Variants in NCOA6 observed in about 807,000 individuals in gnomAD.
NCOA6 encodes the protein NRC RAP250.
In NCOA6, 49 loss-of-function variants were observed where a neutral mutation model predicts 171.4. The ratio of observed to expected loss-of-function variants is 0.29; its 90% CI spans 0.23 to 0.36. The LOEUF (loss-of-function observed/expected upper bound fraction) is 0.36. NCOA6 is among the 10% of genes least tolerant of loss of function. The pLI is 1.00. For missense variants in NCOA6, 2,248 were observed against 2,554.5 expected, an observed-to-expected ratio of 0.88 and a Z score of 2.59; for synonymous variants, 910 against 927.5, an observed-to-expected ratio of 0.98 and a Z score of 0.34.
chr20:34,745,351 T>C (rs1341564747), intron 10 of NCOA6, among the ~76,000 whole-genome samples: 1 of 152,178 alleles, frequency 6.6e-6, no homozygotes, highest in Non-Finnish European at 1.5e-5. Flanking sequence ...AATAAATGTA[T>C]ACAAAGACCC....
Position 34,789,231 on chromosome 20 carries a change from T to C in NCOA6, c.-50+3219A>G, listed in dbSNP as rs531187047. Reference sequence around the variant, plus strand: ...TAAATAGCAGTGATCAAATGCAATTTCTTCAAGTTTCAATCTATGGAAGTC... The same window carrying C: ...TAAATAGCAGTGATCAAATGCAATTCCTTCAAGTTTCAATCTATGGAAGTC... On this transcript the variant is annotated intron_variant, in intron 2 of 14. Coordinates refer to ENST00000359003, the MANE Select transcript of NCOA6 (RefSeq NM_014071.5). Among the ~76,000 whole-genome samples, 7 of 152,334 alleles carry C rather than the reference T, an allele frequency of 4.6e-5. No individual in the cohort carries two copies. In the East Asian group the frequency reaches 1.3e-3, roughly 29 times the overall value.
rs933625837 is a variant in NCOA6, at chr20:34,825,169, T to C, written c.-164+303A>G. 2.0e-5 allele frequency among the ~76,000 whole-genome samples: 3 copies of C among 151,748 alleles called. No homozygotes were observed. In the South Asian group the frequency reaches 6.3e-4, roughly 32 times the overall value. On this transcript the variant is annotated intron_variant, in intron 1 of 14. Coordinates refer to ENST00000359003, the MANE Select transcript of NCOA6 (RefSeq NM_014071.5). ...ACCCCGTGCAGACCCCGGCCAGCCC[T>C]GCACTCCCTCAGTGCACCGGCCCCC...
intron 14 of NCOA6, among the ~76,000 whole-genome samples, chr20:34,719,065 G>C (rs988233322): frequency 3.9e-5 from 6 of 152,140 alleles, no homozygotes; most frequent in African/African-American, 1.4e-4. Flanking sequence ...TAAAGAACTG[G>C]GTCAATAATA....
intron 1 of NCOA6, among the ~76,000 whole-genome samples, chr20:34,799,532 C>G (rs2078186425): frequency 6.6e-6 from 1 of 152,122 alleles, no homozygotes; most frequent in African/African-American, 2.4e-5. Context: ...TACTTCAAGA[C>G]ATTTAATAAC....
At position 34,740,888 on chromosome 20, in the gene NCOA6, T is replaced by C. The variant is rs1447637672; in HGVS notation, c.5368A>G (p.Thr1790Ala). Reference protein sequence around the residue: ...DQNTLPSSQSTTMVSPLLTNS... With the variant: ...DQNTLPSSQSATMVSPLLTNS... ...GTCAAAAGGGGAGAAACCATTGTGG[T>C]TGACTGTGAAGAGGGAAGAGTGTTC... is the stretch of plus-strand genomic sequence containing the variant. The change falls in exon 11 of 15, where the codon ACC (threonine) becomes GCC (alanine). Residue 1790 changes from threonine (T) to alanine (A), a missense_variant. By Grantham distance (58) the Thr-to-Ala change is moderately conservative. Coordinates refer to ENST00000359003, the MANE Select transcript of NCOA6 (RefSeq NM_014071.5). 6.2e-7 allele frequency: 1 copy of C among 1,614,040 alleles called. No homozygotes were observed. The highest frequency in any genetic ancestry group is 1.3e-5 in the African/African-American group (1 of 74,918).
At chr20:34,761,251 A>C (rs1261608719) in intron 5 of NCOA6, among the ~76,000 whole-genome samples, 1 of 152,160 alleles carries the variant, frequency 6.6e-6, no homozygotes, top group Non-Finnish European at 1.5e-5. Flanking sequence ...TCAGACACTT[A>C]GCTTGTTAAT....
chr20:34,791,510 G>T (rs533657318), intron 2 of NCOA6, among the ~76,000 whole-genome samples: 1 of 152,096 alleles, frequency 6.6e-6, no homozygotes, highest in South Asian at 2.1e-4. Context: ...AGGACTGGTC[G>T]TACCTCAATG....
At chr20:34,814,007 T>G (rs1046394478) in intron 1 of NCOA6, among the ~76,000 whole-genome samples, 1 of 152,084 alleles carries the variant, frequency 6.6e-6, no homozygotes, top group Non-Finnish European at 1.5e-5. Context: ...AAAAGATTTA[T>G]AAAAAGATGT....
rs1454055868 is a variant in NCOA6, at chr20:34,741,216, T to C, written c.5040A>G (p.Ala1680=). 6.2e-7 allele frequency: 1 copy of C among 1,614,258 alleles called. No homozygotes were observed. The highest frequency in any genetic ancestry group is 1.1e-5 in the South Asian group (1 of 91,084). The change falls in exon 11 of 15, where the codon GCA becomes GCG. Residue 1680 remains alanine, a synonymous_variant. Coordinates refer to ENST00000359003, the MANE Select transcript of NCOA6 (RefSeq NM_014071.5). The part of the protein sequence containing the change: ...MKGSQPSTIP[A]APLTTNSGLM... The stretch of plus-strand genomic sequence containing the variant: ...GGCCAGAGTTGGTTGTCAGTGGGGC[T>C]GCAGGAATTGTGCTTGGCTGTGATC...
In NCOA6 at chr20:34,766,971, T is replaced by C. The variant is rs530481527; in HGVS notation, c.514+1493A>G. On this transcript the variant is annotated intron_variant, in intron 5 of 14. Transcript: ENST00000359003. ...AAATGCTCAGACTTCTGTGGGGAAC[T>C]ACATCTATGTACACAATACCAGGCT... 2.6e-5 allele frequency among the ~76,000 whole-genome samples: 4 copies of C among 152,194 alleles called. No homozygotes were observed. The East Asian group carries it at 7.7e-4, about 29-fold the overall frequency.
At chr20:34,736,504 G>A (rs554083482) in intron 12 of NCOA6, among the ~76,000 whole-genome samples, 186 bp downstream of exon 12, 14 of 152,204 alleles carry the variant, frequency 9.2e-5, no homozygotes, top group African/African-American at 2.9e-4. Context: ...CAAGCTGGTC[G>A]GGGGGAAAAT....
chr20:34,774,866 T>C (rs1267197291), intron 4 of NCOA6, among the ~76,000 whole-genome samples: 1 of 152,202 alleles, frequency 6.6e-6, no homozygotes, highest in Non-Finnish European at 1.5e-5. Flanking sequence ...TTATAGTCTA[T>C]GGGGATAAAA....
intron 4 of NCOA6, among the ~76,000 whole-genome samples, chr20:34,772,576 C>A (rs1031367297): frequency 6.6e-6 from 1 of 152,114 alleles, no homozygotes; most frequent in African/African-American, 2.4e-5. Flanking sequence ...GACTTTGTAA[C>A]CAGAGCTCTA....
chr20:34,731,262 T>G (rs777898303), intron 13 of NCOA6, among the ~76,000 whole-genome samples: 1 of 152,094 alleles, frequency 6.6e-6, no homozygotes, highest in Non-Finnish European at 1.5e-5. Flanking sequence ...TCAAATGATC[T>G]GCCTGCCTCG....
intron 12 of NCOA6, among the ~76,000 whole-genome samples, chr20:34,735,909 T>G (rs974496897): frequency 1.3e-5 from 2 of 152,146 alleles, no homozygotes; most frequent in African/African-American, 4.8e-5. Flanking sequence ...GTAGTTTCAA[T>G]GAGATTCTTA....
intron 2 of NCOA6, among the ~76,000 whole-genome samples, chr20:34,784,202 A>G (rs2077597518): frequency 6.6e-6 from 1 of 152,078 alleles, no homozygotes; most frequent in African/African-American, 2.4e-5. Flanking sequence ...AATGAAAAAA[A>G]GTAACTCAAA....
At chr20:34,720,677 T>C (rs141061954) in intron 14 of NCOA6, among the ~76,000 whole-genome samples, 56 of 152,344 alleles carry the variant, frequency 3.7e-4, no homozygotes, top group Non-Finnish European at 6.3e-4. Context: ...AGAAGCCCTC[T>C]TTCCCCCTCA....
chr20:34,740,714 C>T lies in NCOA6; in HGVS notation c.5542G>A (p.Ala1848Thr), dbSNP rs2076112415. ...SLEKGEEQYG[A>T]DGETEGQGLD... ...CCTTGGCCTTCAGTCTCTCCATCTG[C>T]ACCATATTGTTCTTCCCCTTTCTCA... The change falls in exon 11 of 15, where the codon GCA becomes ACA. Residue 1848 changes from alanine to threonine, a missense_variant. Physicochemically the swap from Ala to Thr is moderately conservative, Grantham distance 58 (BLOSUM62 0). Coordinates refer to ENST00000359003, the MANE Select transcript of NCOA6 (RefSeq NM_014071.5). 1 of 1,614,242 alleles carries T rather than the reference C, an allele frequency of 6.2e-7. No individual in the cohort carries two copies. Among genetic ancestry groups the T allele is most frequent in the African/African-American group, 1.3e-5 (1 of 75,060 alleles).
rs1282133204 is a variant in NCOA6 at position 34,741,666 on chromosome 20, G to C, written c.4590C>G (p.Val1530=). The C allele has an allele frequency of 1.9e-6, 3 of 1,614,080 alleles. No individual in the cohort carries two copies. In the African/African-American group the frequency reaches 4.0e-5, roughly 22 times the overall value. The part of the protein sequence containing the change: ...VSGEDLKKAS[V]IPTLQDLSSS... ...AAGACAGATCCTGCAGTGTGGGAAT[G>C]ACAGATGCTTTTTTGAGGTCCTCCC... The change falls in exon 11 of 15, where the codon GTC becomes GTG. Residue 1530 remains valine, a synonymous_variant. Transcript: ENST00000359003.
Sources: gnomAD v4.1 joint callset for allele counts (sites outside exome capture counted in the v4.1 genomes callset) on GRCh38, gnomAD v4.1.1 for gene constraint, MANE v1.5 for transcripts, NCBI Gene and HGNC (gene_info 2026-07-23, HGNC 2026-07-21) for gene names.